Variants in FOXP1 observed in about 807,000 individuals in gnomAD.
FOXP1 encodes the protein forkhead box protein P1.
FOXP1 carries 15 observed loss-of-function variants against 98.2 expected under a neutral mutation model. The ratio of observed to expected loss-of-function variants is 0.15; its 90% confidence interval spans 0.10 to 0.24. FOXP1 has a LOEUF of 0.24. FOXP1 is among the 10% of genes least tolerant of loss of function. The pLI is 1.00. For synonymous variants in FOXP1, 371 were observed against 314.5 expected (o/e 1.18, Z -1.90); for missense variants, 633 against 848.5 (o/e 0.75, Z 3.15).
intron 3 of FOXP1, among the ~76,000 whole-genome samples, chr3:71,369,208 T>G (rs924125359): frequency 2.6e-5 from 4 of 151,812 alleles, no homozygotes; most frequent in Non-Finnish European, 5.9e-5. Context: ...GCCAACATGG[T>G]GAAACCCCGT....
At chr3:71,281,417 A>G (rs555167219) in intron 5 of FOXP1, among the ~76,000 whole-genome samples, 1 of 152,228 alleles carries the variant, frequency 6.6e-6, no homozygotes, top group South Asian at 2.1e-4. Context: ...CTATCTCAAA[A>G]CACATCTGAG....
chr3:71,380,398 A>C (rs191772255), intron 3 of FOXP1, among the ~76,000 whole-genome samples: 1 of 152,350 alleles, frequency 6.6e-6, no homozygotes, highest in Admixed American at 6.5e-5. Context: ...TGTGTAAGTC[A>C]GGTAAAACAA....
At chr3:71,245,125 G>A (rs1186542548) in intron 5 of FOXP1, 2 of 152,196 alleles carry the variant, frequency 1.3e-5, no homozygotes, top group Non-Finnish European at 2.9e-5. Context: ...TATTTTCCGG[G>A]AAGCCTTTTG....
chr3:71,426,273 C>T (rs867545710), intron 3 of FOXP1, among the ~76,000 whole-genome samples: 3 of 152,150 alleles, frequency 2.0e-5, no homozygotes, highest in Non-Finnish European at 4.4e-5. Flanking sequence ...AAGCTATTTT[C>T]CTAAATATGC....
At chr3:71,281,952 A>T (rs1045045825) in intron 5 of FOXP1, among the ~76,000 whole-genome samples, 1 of 151,726 alleles carries the variant, frequency 6.6e-6, no homozygotes, top group Non-Finnish European at 1.5e-5. Flanking sequence ...CAAAAAAAAA[A>T]AAAAAATTAA....
intron 2 of FOXP1, among the ~76,000 whole-genome samples, chr3:71,545,387 T>C (rs1003094379): frequency 6.6e-6 from 1 of 152,246 alleles, no homozygotes; most frequent in African/African-American, 2.4e-5. Flanking sequence ...TTATTGCACA[T>C]TTATCATTCC....
At position 71,353,673 on chromosome 3, in the gene FOXP1, T is replaced by G. The variant is rs1313095069; in HGVS notation, c.-73+5477A>C. ...ATTTTAATTTCCTAGATAACCCTAGTTACTCCATAAGTCGTGTAAATAAGA... is the reference window on the plus strand; with the variant it reads ...ATTTTAATTTCCTAGATAACCCTAGGTACTCCATAAGTCGTGTAAATAAGA... On this transcript the variant is annotated intron_variant, in intron 4 of 20. Coordinates refer to ENST00000649528, the MANE Select transcript of FOXP1 (RefSeq NM_001349338.3). 2.0e-5 allele frequency among the ~76,000 whole-genome samples: 3 copies of G among 152,332 alleles called. No homozygotes were observed. The South Asian group carries it at 6.2e-4, about 32-fold the overall frequency.
intron 9 of FOXP1, among the ~76,000 whole-genome samples, chr3:71,047,458 C>A (rs1441875582): frequency 6.6e-6 from 1 of 152,180 alleles, no homozygotes; most frequent in East Asian, 1.9e-4. Context: ...GGGGTCTGAA[C>A]CCCGAACCTT....
intron 3 of FOXP1, among the ~76,000 whole-genome samples, chr3:71,396,991 T>TATATACATATATATGTGTATATATAC (rs2081477564): frequency 1.3e-5 from 1 of 76,662 alleles, no homozygotes; most frequent in African/African-American, 6.2e-5. Context: ...TGTGTATATA[T>TATATACATATATATGTGTATATATAC]ATACACATAT....
chr3:70,981,092 G>A (rs1270551164), intron 14 of FOXP1, among the ~76,000 whole-genome samples: 5 of 141,310 alleles, frequency 3.5e-5, no homozygotes, highest in African/African-American at 7.8e-5. Context: ...TCACAGCTAC[G>A]AAGAATAGAC....
At chr3:70,969,359 A>T (rs985259546) in intron 19 of FOXP1, 11 of 152,190 alleles carry the variant, frequency 7.2e-5, no homozygotes, top group Non-Finnish European at 1.6e-4. Context: ...AGTTTCTCCT[A>T]TTAAATCTGG....
chr3:71,183,022 T>C (rs753319438), intron 6 of FOXP1, among the ~76,000 whole-genome samples: 3 of 152,206 alleles, frequency 2.0e-5, no homozygotes, highest in Non-Finnish European at 4.4e-5. Flanking sequence ...ACTTATATGT[T>C]AGCATTTTTT....
chr3:71,030,810 C>T (rs2046764392), intron 11 of FOXP1, among the ~76,000 whole-genome samples: 2 of 152,160 alleles, frequency 1.3e-5, no homozygotes, highest in Admixed American at 1.3e-4. Context: ...CAATTTTTTT[C>T]TAATTAAAGT....
chr3:71,321,785 C>G (rs1195196863), intron 4 of FOXP1, among the ~76,000 whole-genome samples: 7 of 152,136 alleles, frequency 4.6e-5, no homozygotes, highest in Non-Finnish European at 8.8e-5. Flanking sequence ...CCACACCTGG[C>G]TAATTTTTTT....
intron 6 of FOXP1, among the ~76,000 whole-genome samples, chr3:71,139,011 C>T (rs1229916024): frequency 2.6e-5 from 4 of 152,084 alleles, no homozygotes; most frequent in South Asian, 2.1e-4. Flanking sequence ...ATCCTGGTTT[C>T]GCATGTTAAT....
chr3:71,336,578 C>T lies in FOXP1; in HGVS notation c.-73+22572G>A, dbSNP rs6789892. Among the ~76,000 whole-genome samples the T allele has an allele frequency of 5.9e-5, 9 of 152,040 alleles. 1 individual carries two copies. Among genetic ancestry groups the T allele is most frequent in the South Asian group, 4.1e-4 (2 of 4,820 alleles). On this transcript the variant is annotated intron_variant, in intron 4 of 20. Transcript: ENST00000649528. ...ACTTAGTAAATAGAGGGAAAGAATT[C>T]GACATTTATCCTGTATTACCTAAAT...
chr3:71,319,783 T>G (rs763738055), intron 4 of FOXP1, among the ~76,000 whole-genome samples: 1 of 152,170 alleles, frequency 6.6e-6, no homozygotes, highest in Non-Finnish European at 1.5e-5. Context: ...GCCTGTAACA[T>G]TGGCTCTCCA....
chr3:71,303,143 T>C (rs2107578696), intron 4 of FOXP1, among the ~76,000 whole-genome samples: 1 of 152,298 alleles, frequency 6.6e-6, no homozygotes, highest in South Asian at 2.1e-4. Flanking sequence ...ATTTATAGTA[T>C]TTCCCCCTTC....
chr3:71,307,349 C>T (rs188644435), intron 4 of FOXP1, among the ~76,000 whole-genome samples: 3 of 152,306 alleles, frequency 2.0e-5, no homozygotes, highest in African/African-American at 4.8e-5. Context: ...AATCATTCTA[C>T]TGTAAAAGGT....
Sources: allele counts gnomAD v4.1 joint callset (sites outside exome capture counted in the v4.1 genomes callset), GRCh38; gene constraint gnomAD v4.1.1; transcripts MANE v1.5; gene names NCBI Gene and HGNC (gene_info 2026-07-23, HGNC 2026-07-21).